UFL1: variants seen among roughly 807,000 people sequenced by gnomAD.
UFL1 encodes E3 UFM1-protein ligase 1.
In UFL1, 78 loss-of-function variants were observed where a neutral mutation model predicts 99.3. The ratio of observed to expected loss-of-function variants is 0.79; its 90% confidence interval spans 0.65 to 0.95. The LOEUF is 0.95. Among genes scored for constraint, UFL1 ranks in the 40% least tolerant of loss-of-function variants. The pLI is 0.00. For synonymous variants in UFL1, 335 were observed against 322.2 expected, an observed-to-expected ratio of 1.04 and a Z score of -0.42; for missense variants, 936 against 937.0, an observed-to-expected ratio of 1.00 and a Z score of 0.01.
At chr6:96,543,117 C>A in intron 12 of UFL1, 101 bp downstream of exon 12, 1 of 1,386,228 alleles carries the variant, frequency 7.2e-7, no homozygotes, top group Non-Finnish European at 9.6e-7. Context: ...TACAGGAAGT[C>A]CTTATTTTGC....
chr6:96,529,515 T>C (rs1769751664), intron 6 of UFL1, among the ~76,000 whole-genome samples: 1 of 152,236 alleles, frequency 6.6e-6, no homozygotes, highest in Non-Finnish European at 1.5e-5. Flanking sequence ...ACTTTCCGTT[T>C]ATTTGACTTG....
In UFL1 at chr6:96,524,541, C is replaced by T. The variant is rs139008486; in HGVS notation, c.252+131C>T. Reference sequence around the variant, plus strand: ...TATAAAGAAATAGTTATATAAGCCTCGCTGATACACTGAATTGATTTAACA... The same window carrying T: ...TATAAAGAAATAGTTATATAAGCCTTGCTGATACACTGAATTGATTTAACA... On this transcript the variant is annotated intron_variant, in intron 3 of 18. Coordinates refer to ENST00000369278, the MANE Select transcript of UFL1 (RefSeq NM_015323.5). 727 of 559,940 alleles carry T rather than the reference C, an allele frequency of 1.3e-3. 3 individuals are homozygous for T. The highest frequency in any genetic ancestry group is 8.5e-3 in the Middle Eastern group (18 of 2,118). 34.7% of individuals were successfully genotyped at this position (559,940 alleles called of 1,614,324 possible).
intron 6 of UFL1, among the ~76,000 whole-genome samples, chr6:96,529,778 G>A (rs1769755172): frequency 6.6e-6 from 1 of 152,168 alleles, no homozygotes; most frequent in African/African-American, 2.4e-5. Flanking sequence ...ACAAGCATTT[G>A]TTGAGCACCT....
chr6:96,531,820 A>C (rs1769786378), intron 6 of UFL1, among the ~76,000 whole-genome samples: 1 of 152,294 alleles, frequency 6.6e-6, no homozygotes, highest in Admixed American at 6.5e-5. Context: ...GTTTCGCTAT[A>C]TGGAGGTACC....
chr6:96,550,319 T>C (rs1770060210), intron 15 of UFL1, among the ~76,000 whole-genome samples: 1 of 151,858 alleles, frequency 6.6e-6, no homozygotes, highest in Non-Finnish European at 1.5e-5. Context: ...TTCTCTTTCT[T>C]CTCTGTCCTC....
rs930793993 is a variant in UFL1 at position 96,525,280 on chromosome 6, T to G, written c.253-17T>G. ...AATACAAACTAATCATTAATAGATT[T>G]TGTATTTGTTTTCCAGGTAATTAAT... On this transcript the variant is annotated splice_polypyrimidine_tract_variant and intron_variant, in intron 3 of 18. Transcript: ENST00000369278. The G allele has an allele frequency of 6.6e-7, 1 of 1,504,946 alleles. No homozygotes were observed. Among genetic ancestry groups the G allele is most frequent in the African/African-American group, 1.4e-5 (1 of 71,608 alleles). 93.2% of individuals were successfully genotyped at this position (1,504,946 alleles called of 1,614,324 possible).
Position 96,521,848 on chromosome 6 carries a change from C to A in UFL1, c.-26C>A. 6.2e-7 allele frequency: 1 copy of A among 1,605,400 alleles called. No individual in the cohort carries two copies. The highest frequency in any genetic ancestry group is 2.2e-5 in the East Asian group (1 of 44,562). On this transcript the variant is annotated 5_prime_UTR_variant, in exon 1 of 19. Coordinates refer to ENST00000369278, the MANE Select transcript of UFL1 (RefSeq NM_015323.5). ...GTCGGCTGACGTGTCTGCAGTTCCT[C>A]CGCGTCTACTGCGAGTCAGGCCGTG...
intron 10 of UFL1, 79 bp from the exon 11 acceptor site, chr6:96,540,456 T>C: frequency 6.8e-7 from 1 of 1,479,018 alleles, no homozygotes; most frequent in Admixed American, 2.5e-5. Flanking sequence ...CAAGAATAAT[T>C]AGTGAGTATA....
chr6:96,525,361 A>T lies in UFL1; in HGVS notation c.317A>T (p.His106Leu), dbSNP rs1769683589. Residue 106 changes from histidine to leucine, a missense_variant, in exon 4 of 19, where the codon CAT (histidine) becomes CTT (leucine). By Grantham distance (99) the His-to-Leu change is moderately conservative. Transcript: ENST00000369278. Reference protein sequence around the residue: ...RIGDIIKSEKHVQLVLGQLID... With the variant: ...RIGDIIKSEKLVQLVLGQLID... ...GGTGACATTATTAAATCAGAAAAGC[A>T]TGTTCAGTTAGTGTTGGGACAACTG... 6.2e-7 allele frequency: 1 copy of T among 1,611,382 alleles called. No individual in the cohort carries two copies. The highest frequency in any genetic ancestry group is 2.2e-5 in the East Asian group (1 of 44,696).
intron 4 of UFL1, among the ~76,000 whole-genome samples, chr6:96,525,814 C>T (rs1416441369): frequency 1.3e-5 from 2 of 151,642 alleles, no homozygotes; most frequent in Non-Finnish European, 2.9e-5. Context: ...ACTCTGAAAG[C>T]AAATTTGTTC....
At chr6:96,549,277 C>T (rs1304439177) in intron 13 of UFL1, 135 bp from the exon 14 acceptor site, 2 of 646,852 alleles carry the variant, frequency 3.1e-6, no homozygotes, top group African/African-American at 3.9e-5. Context: ...GTGAACTTGT[C>T]TCCAAATTAA....
At chr6:96,553,206 A>G in intron 18 of UFL1, 79 bp from the exon 19 acceptor site, 4 of 1,347,414 alleles carry the variant, frequency 3.0e-6, no homozygotes, top group African/African-American at 1.5e-5. Flanking sequence ...TTCAATGTGT[A>G]TTAGTTGAAG....
At position 96,531,148 on chromosome 6, in the gene UFL1, C is replaced by T. The variant is rs148685127; in HGVS notation, c.596+2516C>T. On this transcript the variant is annotated intron_variant, in intron 6 of 18. Coordinates refer to ENST00000369278, the MANE Select transcript of UFL1 (RefSeq NM_015323.5). The stretch of plus-strand genomic sequence containing the variant: ...AGATGGAACAGTTTCATCCTGAAAC[C>T]ATCCCCCACAACCCGGGTCCGTGCA... Among the ~76,000 whole-genome samples, 340 of 152,312 alleles carry T rather than the reference C, an allele frequency of 2.2e-3. 2 individuals are homozygous for T. The highest frequency in any genetic ancestry group is 7.6e-3 in the African/African-American group (315 of 41,570).
At chr6:96,544,573 TTAAAG>T (rs1769975416) in intron 12 of UFL1, among the ~76,000 whole-genome samples, 2 of 151,044 alleles carry the variant, frequency 1.3e-5, no homozygotes, top group African/African-American at 2.4e-5. Context: ...AGATTTGTCT[TTAAAG>T]TATTCTGAGA....
At chr6:96,547,793 C>T (rs1252667740) in intron 12 of UFL1, among the ~76,000 whole-genome samples, 2 of 149,116 alleles carry the variant, frequency 1.3e-5, no homozygotes, top group African/African-American at 4.9e-5. Flanking sequence ...AGAAGAACTC[C>T]GAAAGAAGGG....
At chr6:96,544,650 C>T (rs1769976245) in intron 12 of UFL1, among the ~76,000 whole-genome samples, 1 of 150,934 alleles carries the variant, frequency 6.6e-6, no homozygotes, top group African/African-American at 2.4e-5. Flanking sequence ...GGAAAAGTAT[C>T]TTTATAGGAA....
At chr6:96,535,483 T>C (rs1769840259) in intron 7 of UFL1, among the ~76,000 whole-genome samples, 1 of 152,066 alleles carries the variant, frequency 6.6e-6, no homozygotes, top group African/African-American at 2.4e-5. Context: ...TTAGTTAGTA[T>C]TTATTATTGA....
chr6:96,554,204 A>G lies in UFL1; in HGVS notation c.*701A>G, dbSNP rs973277137. On this transcript the variant is annotated 3_prime_UTR_variant, in exon 19 of 19. Transcript: ENST00000369278. ...ACTAACAAGAGAGAGAACACATGCA[A>G]TTTATTACCAGTAAGCATAAGTCAT... 1.3e-5 allele frequency: 2 copies of G among 152,206 alleles called. No individual in the cohort carries two copies. Among genetic ancestry groups the G allele is most frequent in the Admixed American group, 6.5e-5 (1 of 15,270 alleles). The allele number at this position is 152,206 out of a possible 1,614,324, so 9.4% of individuals were successfully genotyped here. A position where few individuals can be genotyped will look rare whatever the true frequency, so the allele number is the denominator to read the frequency against.
intron 3 of UFL1, among the ~76,000 whole-genome samples, chr6:96,524,690 A>C (rs1738737288): frequency 6.6e-6 from 1 of 152,164 alleles, no homozygotes; most frequent in African/African-American, 2.4e-5. Context: ...CTTTTTACCA[A>C]ATGAACTCAT....
Sources: gnomAD v4.1 joint callset for allele counts (sites outside exome capture counted in the v4.1 genomes callset) on GRCh38, gnomAD v4.1.1 for gene constraint, MANE v1.5 for transcripts, NCBI Gene and HGNC (gene_info 2026-07-23, HGNC 2026-07-21) for gene names.